The following MGAM2 variants were observed in gnomAD, a reference collection of about 807,000 sequenced individuals.
MGAM2 encodes maltase-glucoamylase 2 (putative).
MGAM2 carries 98 observed loss-of-function variants against 96.1 expected under a neutral mutation model. The ratio of observed to expected loss-of-function variants is 1.02; its 90% CI spans 0.87 to 1.21. The LOEUF is 1.21. Among genes scored for constraint, MGAM2 ranks in the 50% most tolerant of loss-of-function variants. The pLI is 0.00. For missense variants in MGAM2, 2,055 were observed against 1,182.4 expected, an observed-to-expected ratio of 1.74 and a Z score of -10.82; for synonymous variants, 749 against 414.8, an observed-to-expected ratio of 1.81 and a Z score of -9.79.
At chr7:142,208,188 C>G (rs1403744769) in intron 45 of MGAM2, 2 of 463,318 alleles carry the variant, frequency 4.3e-6, no homozygotes, top group Non-Finnish European at 8.6e-6. Context: ...AGCCTAAATT[C>G]CTAACCACTC....
chr7:142,153,987 C>A (rs571775884), intron 15 of MGAM2, 31 bp from the exon 16 acceptor site: 5 of 571,226 alleles, frequency 8.8e-6, no homozygotes, highest in Non-Finnish European at 1.3e-5. Flanking sequence ...CACAGCCCAC[C>A]TCACACTCCA....
intron 7 of MGAM2, 38 bp from the exon 8 acceptor site, chr7:142,136,503 C>T (rs1158883280): frequency 1.6e-6 from 1 of 625,170 alleles, no homozygotes; most frequent in South Asian, 1.9e-5. Context: ...ACTTTCTCAA[C>T]ACATAACACT....
intron 43 of MGAM2, 27 bp from the exon 44 acceptor site, chr7:142,198,588 A>G (rs1187306439): frequency 2.9e-6 from 2 of 700,238 alleles, no homozygotes; most frequent in East Asian, 2.7e-5. Context: ...ATCTCTCGCC[A>G]TTTTTTGCCT....
At position 142,164,136 on chromosome 7, in the gene MGAM2, G is replaced by GA. The variant is rs573486594; in HGVS notation, c.2485-713dup. 1.6e-3 allele frequency among the ~76,000 whole-genome samples: 247 copies of GA among 152,124 alleles called. 3 individuals carry two copies. Among genetic ancestry groups the GA allele is most frequent in the African/African-American group, 5.0e-3 (209 of 41,514 alleles). On this transcript the variant is annotated intron_variant, in intron 23 of 47. Transcript: ENST00000477922. ...GTCCAGTTGCCCCAGCACCTTTGTT[G>GA]AAAAAAATCTGTCTTTGTAAAAAAT...
At chr7:142,208,258 T>C in intron 45 of MGAM2, 1 of 507,976 alleles carries the variant, frequency 2.0e-6, no homozygotes, top group Non-Finnish European at 3.8e-6. Context: ...TATGACTACA[T>C]GCTTGCTGTC....
At chr7:142,173,106 T>C (rs1796249487) in intron 30 of MGAM2, 123 bp from the exon 31 acceptor site, 1 of 562,640 alleles carries the variant, frequency 1.8e-6, no homozygotes, top group Middle Eastern at 4.2e-4. Flanking sequence ...GACTTTCTTA[T>C]CTTTCTTGGG....
chr7:142,149,946 CTT>C (rs113381769), intron 15 of MGAM2, among the ~76,000 whole-genome samples: 1 of 135,038 alleles, frequency 7.4e-6, no homozygotes. Context: ...CTGTTAAATT[CTT>C]TTTTTTTTTT....
At chr7:142,211,251 C>G (rs1423473868) in intron 46 of MGAM2, among the ~76,000 whole-genome samples, 2 of 152,088 alleles carry the variant, frequency 1.3e-5, no homozygotes, top group Non-Finnish European at 2.9e-5. Flanking sequence ...GTGCAAAAAG[C>G]CTAAAGATTC....
In MGAM2 at chr7:142,214,774, T is replaced by C. The variant is rs746040136; in HGVS notation, c.5188-3587T>C. 1.4e-4 allele frequency among the ~76,000 whole-genome samples: 22 copies of C among 152,292 alleles called. No homozygotes were observed. The Middle Eastern group carries it at 0.01, about 71-fold the overall frequency. ...AGATATCATCTCATGCCAGTTAGAATGGCCATTATCAAAAAGTCAGGAAAC... is the reference window on the plus strand; with the variant it reads ...AGATATCATCTCATGCCAGTTAGAACGGCCATTATCAAAAAGTCAGGAAAC... On this transcript the variant is annotated intron_variant, in intron 46 of 47. Coordinates refer to ENST00000477922, the MANE Select transcript of MGAM2 (RefSeq NM_001293626.2).
intron 1 of MGAM2, among the ~76,000 whole-genome samples, chr7:142,112,262 G>A (rs527342265): frequency 6.6e-6 from 1 of 152,174 alleles, no homozygotes; most frequent in South Asian, 2.1e-4. Flanking sequence ...CCTGTCCTCT[G>A]CCTGAATGAC....
rs563240588 is a variant in MGAM2 at position 142,220,705 on chromosome 7, C to G, written c.6194C>G (p.Ser2065Cys). The change falls in exon 48 of 48, where the codon TCC (serine) becomes TGC (cysteine). Residue 2065 changes from serine to cysteine, a missense_variant. Physicochemically the swap from Ser to Cys is moderately radical, Grantham distance 112. Transcript: ENST00000477922. ...SATVPITTTPSPTNTADANTS... is the reference protein window; with the variant it reads ...SATVPITTTPCPTNTADANTS... ...ACTGTTCCTATTACAACCACACCTT[C>G]CCCTACAAATACTGCTGATGCTAAC... The G allele has an allele frequency of 1.6e-5, 11 of 702,112 alleles. No homozygotes were observed. Among genetic ancestry groups the G allele is most frequent in the African/African-American group, 3.5e-5 (2 of 57,122 alleles). The allele number at this position is 702,112 out of a possible 1,614,324, so 43.5% of individuals were successfully genotyped here.
chr7:142,197,840 C>T (rs1275985682), intron 42 of MGAM2, 112 bp downstream of exon 42: 8 of 669,790 alleles, frequency 1.2e-5, no homozygotes, highest in Middle Eastern at 2.5e-4. Flanking sequence ...CAGGCGAATG[C>T]CTTTCTAGAA....
rs867746494 is a variant in MGAM2, at chr7:142,193,532, C to T, written c.4347-2622C>T. Among the ~76,000 whole-genome samples, 69 of 152,292 alleles carry T rather than the reference C, an allele frequency of 4.5e-4. No homozygotes were observed. In the Middle Eastern group the frequency reaches 0.017, roughly 38 times the overall value. On this transcript the variant is annotated intron_variant, in intron 37 of 47. Coordinates refer to ENST00000477922, the MANE Select transcript of MGAM2 (RefSeq NM_001293626.2). Reference sequence around the variant, plus strand: ...TGGTCAGTTTTGTTCACTGACTCTTCCCTGCTGACCTTCATGCTACATCCT... The same window carrying T: ...TGGTCAGTTTTGTTCACTGACTCTTTCCTGCTGACCTTCATGCTACATCCT...
In MGAM2 at chr7:142,157,977, T is replaced by C. The variant is rs1190739349; in HGVS notation, c.1964T>C (p.Leu655Pro). Residue 655 changes from leucine (L) to proline (P), a missense_variant, in exon 18 of 48, where the codon CTG (leucine) becomes CCG (proline). Leu to Pro is a moderately conservative substitution (Grantham distance 98, BLOSUM62 -3). Coordinates refer to ENST00000477922, the MANE Select transcript of MGAM2 (RefSeq NM_001293626.2). ...GCCTTTGGTGTTGATTCCCTGCTGC[T>C]GAAATCCTCCAGACATTATCTGAAC... ...PAAFGVDSLL[L>P]KSSRHYLNIR... 2.8e-6 allele frequency: 2 copies of C among 703,038 alleles called. No homozygotes were observed. The highest frequency in any genetic ancestry group is 4.0e-5 in the Admixed American group (2 of 50,024). 43.5% of individuals were successfully genotyped at this position (703,038 alleles called of 1,614,324 possible). A position where few individuals can be genotyped will look rare whatever the true frequency, so the allele number is the denominator to read the frequency against.
At chr7:142,217,656 G>T (rs1797806243) in intron 46 of MGAM2, among the ~76,000 whole-genome samples, 1 of 152,126 alleles carries the variant, frequency 6.6e-6, no homozygotes, top group Non-Finnish European at 1.5e-5. Flanking sequence ...TGGTTAGTGG[G>T]AACAAAGAGA....
chr7:142,176,728 C>A (rs376186615), intron 32 of MGAM2, among the ~76,000 whole-genome samples: 3 of 152,050 alleles, frequency 2.0e-5, no homozygotes, highest in African/African-American at 7.2e-5. Context: ...TTTTGAGGAA[C>A]ATTGCTATTA....
Position 142,185,979 on chromosome 7 carries a change from ATTC to A in MGAM2, c.3988-7_3988-5del. On this transcript the variant is annotated splice_polypyrimidine_tract_variant and splice_region_variant and intron_variant, in intron 34 of 47. Coordinates refer to ENST00000477922, the MANE Select transcript of MGAM2 (RefSeq NM_001293626.2). Reference sequence around the variant, plus strand: ...GACCCCGACAATGAGAGTGTGTGTTATTCTTACAGCTTTACAGGGCCTACGTTG... The same window carrying A: ...GACCCCGACAATGAGAGTGTGTGTTATTACAGCTTTACAGGGCCTACGTTG... The A allele has an allele frequency of 1.4e-6, 1 of 702,884 alleles. No homozygotes were observed. The highest frequency in any genetic ancestry group is 2.6e-6 in the Non-Finnish European group (1 of 384,874). The allele number at this position is 702,884 out of a possible 1,614,324, so 43.5% of individuals were successfully genotyped here.
At chr7:142,140,242 A>G (rs1795181502) in intron 10 of MGAM2, among the ~76,000 whole-genome samples, 1 of 152,148 alleles carries the variant, frequency 6.6e-6, no homozygotes, top group Admixed American at 6.5e-5. Context: ...CTACATTTCA[A>G]TTTGCTCACT....
chr7:142,175,008 C>G (rs963075542), intron 31 of MGAM2, among the ~76,000 whole-genome samples: 4 of 152,136 alleles, frequency 2.6e-5, no homozygotes, highest in African/African-American at 7.2e-5. Context: ...CGTGAGCCAC[C>G]GTGCCTAGCC....
Sources: allele counts gnomAD v4.1 joint callset (sites outside exome capture counted in the v4.1 genomes callset), GRCh38; gene constraint gnomAD v4.1.1; transcripts MANE v1.5; gene names NCBI Gene and HGNC (gene_info 2026-07-23, HGNC 2026-07-21).